Variants in KALRN observed in about 807,000 individuals in gnomAD.
KALRN encodes kalirin RhoGEF kinase, also known as kalirin.
A neutral mutation model predicts 353.7 loss-of-function variants in KALRN; 70 were observed. The observed-to-expected ratio is 0.20, with a 90% CI of 0.16 to 0.24. The LOEUF (loss-of-function observed/expected upper bound fraction) is 0.24, where lower values mean the gene tolerates loss of function less well. KALRN is among the 10% of genes least tolerant of loss of function. The pLI is 1.00. For synonymous variants in KALRN, 1,391 were observed against 1,434.8 expected, an observed-to-expected ratio of 0.97 and a Z score of 0.69; for missense variants, 2,791 against 3,756.7, an observed-to-expected ratio of 0.74 and a Z score of 6.72.
intron 12 of KALRN, 124 bp from the exon 13 acceptor site, chr3:124,398,573 G>A: frequency 5.3e-6 from 5 of 942,412 alleles, no homozygotes; most frequent in Non-Finnish European, 6.8e-6. Context: ...ATAAATGTCT[G>A]TTGATTGAAT....
chr3:124,113,689 G>A (rs2063202519), intron 1 of KALRN, among the ~76,000 whole-genome samples: 1 of 152,228 alleles, frequency 6.6e-6, no homozygotes, highest in Admixed American at 6.5e-5. Flanking sequence ...TGGCTGAGCT[G>A]GGCTGCCTCA....
chr3:124,084,854 C>T (rs2060723263), intron 1 of KALRN, among the ~76,000 whole-genome samples: 1 of 152,198 alleles, frequency 6.6e-6, no homozygotes, highest in Non-Finnish European at 1.5e-5. Context: ...AATCCAGGCT[C>T]AGGGCTTACC....
intron 5 of KALRN, among the ~76,000 whole-genome samples, chr3:124,276,909 G>A (rs771856591): frequency 5.8e-4 from 88 of 152,272 alleles, no homozygotes; most frequent in Non-Finnish European, 9.4e-4. Flanking sequence ...CTTTGAAGCT[G>A]GTGCTCCTCC....
At chr3:124,288,786 C>T (rs1268636482) in intron 5 of KALRN, among the ~76,000 whole-genome samples, 4 of 151,708 alleles carry the variant, frequency 2.6e-5, no homozygotes, top group Admixed American at 6.6e-5. Context: ...TGAGTAGCAG[C>T]AATAATGGAA....
At chr3:124,253,354 A>T (rs972538455) in intron 3 of KALRN, among the ~76,000 whole-genome samples, 8 of 152,206 alleles carry the variant, frequency 5.3e-5, no homozygotes, top group African/African-American at 1.7e-4. Context: ...TTTAGGGTAG[A>T]CATGGGTGCA....
chr3:124,422,767 A>T, intron 14 of KALRN, 45 bp from the exon 15 acceptor site: 1 of 1,536,768 alleles, frequency 6.5e-7, no homozygotes, highest in Non-Finnish European at 9.0e-7. Context: ...TGTAGCCTTC[A>T]CAGTACTAGC....
Position 124,667,181 on chromosome 3 carries a change from A to G in KALRN, c.6701A>G (p.Asn2234Ser). The G allele has an allele frequency of 1.2e-6, 2 of 1,613,552 alleles. No individual in the cohort carries two copies. Among genetic ancestry groups the G allele is most frequent in the Non-Finnish European group, 1.7e-6 (2 of 1,179,616 alleles). Residue 2234 changes from asparagine (N) to serine (S), a missense_variant and splice_region_variant, in exon 47 of 60, where the codon AAT becomes AGT. Physicochemically the swap from Asn to Ser is conservative, Grantham distance 46. Transcript: ENST00000682506. ...TTAGAAACACAGCGAGACTTTTTGA[A>G]TGGTGGGTGCTGGGCTTGGTTCCTT... ...QVLETQRDFLNALQSPIEYQR... is the reference protein window; with the variant it reads ...QVLETQRDFLSALQSPIEYQR...
At position 124,721,514 on chromosome 3, in the gene KALRN, A is replaced by G. The variant is rs2063354369; in HGVS notation, c.*2044A>G. The G allele has an allele frequency of 6.6e-6, 1 of 152,246 alleles. No individual in the cohort carries two copies. The highest frequency in any genetic ancestry group is 1.5e-5 in the Non-Finnish European group (1 of 68,042). 9.4% of individuals were successfully genotyped at this position (152,246 alleles called of 1,614,324 possible). A position where few individuals can be genotyped will look rare whatever the true frequency, so the allele number is the denominator to read the frequency against. On this transcript the variant is annotated 3_prime_UTR_variant, in exon 60 of 60. Coordinates refer to ENST00000682506, the MANE Select transcript of KALRN (RefSeq NM_001388419.1). ...AACATGGTTACTAAAATTTTTCAAA[A>G]TGTAAAACATATTTAGTAAAAAAAT...
chr3:124,518,953 A>G, intron 33 of KALRN: 2 of 991,026 alleles, frequency 2.0e-6, no homozygotes, highest in South Asian at 9.2e-5. Context: ...GTATCCCCAC[A>G]TCATGAGAAA....
At chr3:124,245,541 T>A (rs1353564291) in intron 3 of KALRN, among the ~76,000 whole-genome samples, 1 of 139,758 alleles carries the variant, frequency 7.2e-6, no homozygotes, top group African/African-American at 3.0e-5. Context: ...AATTTTATAT[T>A]TATTTTTTTG....
At chr3:124,037,995 C>T (rs1050874123) in intron 1 of KALRN, among the ~76,000 whole-genome samples, 5 of 152,060 alleles carry the variant, frequency 3.3e-5, no homozygotes, top group African/African-American at 1.2e-4. Context: ...AAGACAGGAG[C>T]ATGGGCTGGA....
chr3:124,489,395 C>T (rs951799855), intron 29 of KALRN, among the ~76,000 whole-genome samples: 6 of 152,062 alleles, frequency 3.9e-5, no homozygotes, highest in African/African-American at 1.2e-4. Flanking sequence ...TATGTAAACA[C>T]GTGGGCTGTT....
chr3:124,054,874 GATT>G, intron 1 of KALRN, among the ~76,000 whole-genome samples: 1 of 152,260 alleles, frequency 6.6e-6, no homozygotes, highest in Middle Eastern at 3.4e-3. Flanking sequence ...TGTGGGTTGT[GATT>G]ATCAGTAGTT....
intron 33 of KALRN, among the ~76,000 whole-genome samples, chr3:124,516,067 G>A (rs1019585386): frequency 6.6e-6 from 1 of 152,158 alleles, no homozygotes; most frequent in Non-Finnish European, 1.5e-5. Flanking sequence ...GGTTTAAAAG[G>A]GGATAAGAAA....
chr3:124,358,329 TG>T (rs2083643863), intron 10 of KALRN, among the ~76,000 whole-genome samples: 1 of 152,228 alleles, frequency 6.6e-6, no homozygotes, highest in East Asian at 1.9e-4. Flanking sequence ...ACACTGAGCC[TG>T]ACTATCAGAG....
intron 34 of KALRN, among the ~76,000 whole-genome samples, chr3:124,593,064 G>T (rs1033670738): frequency 6.6e-6 from 1 of 152,174 alleles, no homozygotes; most frequent in Non-Finnish European, 1.5e-5. Context: ...TTGTGGGCTT[G>T]TATCTCTTCT....
chr3:124,156,197 C>T (rs995352449), intron 1 of KALRN, among the ~76,000 whole-genome samples: 1 of 152,176 alleles, frequency 6.6e-6, no homozygotes, highest in Admixed American at 6.5e-5. Context: ...GGGAGTTTCC[C>T]TCCACCTCTG....
rs183529477 is a variant in KALRN, at chr3:124,212,279, A to G, written c.74-15711A>G. ...CACACCCCAGAAATACATTATGTCC[A>G]TATTTGGGATCACATCAAATCACTA... On this transcript the variant is annotated intron_variant, in intron 1 of 59. Coordinates refer to ENST00000682506, the MANE Select transcript of KALRN (RefSeq NM_001388419.1). Among the ~76,000 whole-genome samples, 12 of 152,220 alleles carry G rather than the reference A, an allele frequency of 7.9e-5. No homozygotes were observed. In the East Asian group the frequency reaches 9.7e-4, roughly 12 times the overall value.
chr3:124,680,075 G>A (rs1218674443), intron 51 of KALRN, among the ~76,000 whole-genome samples: 2 of 152,234 alleles, frequency 1.3e-5, no homozygotes, highest in Non-Finnish European at 2.9e-5. Context: ...AGGTGTAATT[G>A]TAGCAACTCC....
Sources: gnomAD v4.1 joint callset for allele counts (sites outside exome capture counted in the v4.1 genomes callset) on GRCh38, gnomAD v4.1.1 for gene constraint, MANE v1.5 for transcripts, NCBI Gene and HGNC (gene_info 2026-07-23, HGNC 2026-07-21) for gene names.